The following NATD1 variants were observed in gnomAD, a reference collection of about 807,000 sequenced individuals.
NATD1 encodes N-acetyltransferase domain containing 1.
NATD1 carries 9 observed loss-of-function variants against 12.0 expected under a neutral mutation model. The observed-to-expected ratio is 0.75, with a 90% CI of 0.45 to 1.30. The LOEUF (loss-of-function observed/expected upper bound fraction) is 1.30. Among genes scored for constraint, NATD1 ranks in the 50% most tolerant of loss-of-function variants. The probability of loss-of-function intolerance (pLI) is 0.00; values close to 1 mark genes in which losing one functional copy is unlikely to be tolerated. For synonymous variants in NATD1, 71 were observed against 65.9 expected, an observed-to-expected ratio of 1.08 and a Z score of -0.37; for missense variants, 148 against 148.5, an observed-to-expected ratio of 1.00 and a Z score of 0.02.
At chr17:21,243,904 G>A (rs754982038) in intron 2 of NATD1, among the ~76,000 whole-genome samples, 7 of 152,184 alleles carry the variant, frequency 4.6e-5, no homozygotes, top group Non-Finnish European at 1.0e-4. Flanking sequence ...CACACAGGAG[G>A]TGTGTGAGGA....
At chr17:21,251,095 G>C (rs1190463535) in intron 1 of NATD1, among the ~76,000 whole-genome samples, 1 of 152,076 alleles carries the variant, frequency 6.6e-6, no homozygotes, top group African/African-American at 2.4e-5. Flanking sequence ...CCACTCCCTT[G>C]GGGGCCTCTG....
At chr17:21,253,001 G>A (rs948040541) in intron 1 of NATD1, among the ~76,000 whole-genome samples, 158 bp downstream of exon 1, 10 of 149,988 alleles carry the variant, frequency 6.7e-5, no homozygotes, top group Admixed American at 3.3e-4. Flanking sequence ...CCGGCCGCCC[G>A]GGACCACCCC....
intron 1 of NATD1, among the ~76,000 whole-genome samples, chr17:21,247,246 ATGTT>A (rs1309827953): frequency 6.6e-6 from 1 of 152,198 alleles, no homozygotes; most frequent in Non-Finnish European, 1.5e-5. Context: ...CACCCAAGAA[ATGTT>A]TGTCCAACTA....
At position 21,243,442 on chromosome 17, in the gene NATD1, C is replaced by A. The variant is rs1975297336; in HGVS notation, c.226-13G>T. 3 of 1,606,366 alleles carry A rather than the reference C, an allele frequency of 1.9e-6. No individual in the cohort carries two copies. Among genetic ancestry groups the A allele is most frequent in the Non-Finnish European group, 2.6e-6 (3 of 1,175,990 alleles). On this transcript the variant is annotated splice_polypyrimidine_tract_variant and intron_variant, in intron 2 of 2. Transcript: ENST00000611551. ...AGTCCAGGGCGGCCTGGGAGCCGGGCAGAGAGGAGAGTGGTCAGGGCCTGC... is the reference window on the plus strand; with the variant it reads ...AGTCCAGGGCGGCCTGGGAGCCGGGAAGAGAGGAGAGTGGTCAGGGCCTGC...
intron 1 of NATD1, among the ~76,000 whole-genome samples, chr17:21,250,776 A>G (rs1225002155): frequency 6.6e-6 from 1 of 152,054 alleles, no homozygotes; most frequent in Non-Finnish European, 1.5e-5. Flanking sequence ...GTTTTCCCTC[A>G]CTCAGAACCA....
chr17:21,243,789 C>A (rs1363862952), intron 2 of NATD1, among the ~76,000 whole-genome samples: 1 of 152,174 alleles, frequency 6.6e-6, no homozygotes, highest in Non-Finnish European at 1.5e-5. Flanking sequence ...CTGGCTGTAA[C>A]TCCCTTCATT....
chr17:21,252,344 T>C (rs779952174), intron 1 of NATD1, among the ~76,000 whole-genome samples: 1 of 152,212 alleles, frequency 6.6e-6, no homozygotes, highest in Non-Finnish European at 1.5e-5. Flanking sequence ...AAGGGAGAAC[T>C]TGCCCTTGCT....
At position 21,243,253 on chromosome 17, in the gene NATD1, G is replaced by C; in HGVS notation, c.*60C>G. ...GGACCAGGTTCCTGAGAGCACGTGG[G>C]GCCAGGCAAAGGCCACGTGGAAGAG... On this transcript the variant is annotated 3_prime_UTR_variant, in exon 3 of 3. Transcript: ENST00000611551. 1 of 1,397,066 alleles carries C rather than the reference G, an allele frequency of 7.2e-7. No individual in the cohort carries two copies. The allele number at this position is 1,397,066 out of a possible 1,614,324, so 86.5% of individuals were successfully genotyped here.
intron 1 of NATD1, 120 bp downstream of exon 1, chr17:21,253,039 G>T (rs1975393068): frequency 1.2e-5 from 5 of 403,442 alleles, no homozygotes; most frequent in Non-Finnish European, 1.0e-5. Context: ...CAGCCTTCCC[G>T]GGCGGCGGGC....
rs1975291694 is a variant in NATD1 at position 21,243,093 on chromosome 17, T to C, written c.*220A>G. 2.0e-6 allele frequency: 1 copy of C among 509,844 alleles called. No homozygotes were observed. Among genetic ancestry groups the C allele is most frequent in the Non-Finnish European group, 3.6e-6 (1 of 281,066 alleles). 31.6% of individuals were successfully genotyped at this position (509,844 alleles called of 1,614,324 possible). A position where few individuals can be genotyped will look rare whatever the true frequency, so the allele number is the denominator to read the frequency against. On this transcript the variant is annotated 3_prime_UTR_variant, in exon 3 of 3. Transcript: ENST00000611551. ...CCGCTGGTCTCTGCAGAGTGAGAGG[T>C]GCCGGGACTACCTGGCCTCCTTGCC... is the stretch of plus-strand genomic sequence containing the variant.
At position 21,253,356 on chromosome 17, in the gene NATD1, G is replaced by T; in HGVS notation, c.-92C>A. 2.5e-6 allele frequency: 1 copy of T among 407,158 alleles called. No individual in the cohort carries two copies. Among genetic ancestry groups the T allele is most frequent in the South Asian group, 9.4e-5 (1 of 10,622 alleles). The allele number at this position is 407,158 out of a possible 1,614,324, so 25.2% of individuals were successfully genotyped here. On this transcript the variant is annotated 5_prime_UTR_variant, in exon 1 of 3. Coordinates refer to ENST00000611551, the MANE Select transcript of NATD1 (RefSeq NM_152914.3). Reference sequence around the variant, plus strand: ...GCGGGGCTGGAGCGCGGGCGCAGGCGGCAGGCGGTGGGGTAGTTACGGCCT... The same window carrying T: ...GCGGGGCTGGAGCGCGGGCGCAGGCTGCAGGCGGTGGGGTAGTTACGGCCT...
chr17:21,247,706 TGTGCTAGTCTGAG>T (rs920471411), intron 1 of NATD1, among the ~76,000 whole-genome samples: 1 of 152,170 alleles, frequency 6.6e-6, no homozygotes, highest in African/African-American at 2.4e-5. Flanking sequence ...CCTGCCCCCC[TGTGCTAGTCTGAG>T]GTCTGGAGCT....
chr17:21,239,191 C>G lies in NATD1; in HGVS notation c.*4122G>C, dbSNP rs1483990217. On this transcript the variant is annotated 3_prime_UTR_variant, in exon 3 of 3. Transcript: ENST00000611551. ...CACAGGCAATTCAGCCTTCTCCACA[C>G]TGGCCCGGCACTGGCTAGCTGCTCA... The G allele has an allele frequency of 6.6e-6, 1 of 152,178 alleles. No homozygotes were observed. The highest frequency in any genetic ancestry group is 1.5e-5 in the Non-Finnish European group (1 of 68,070). 9.4% of individuals were successfully genotyped at this position (152,178 alleles called of 1,614,324 possible).
At position 21,239,236 on chromosome 17, in the gene NATD1, AC is replaced by A. The variant is rs61389268; in HGVS notation, c.*4076del. 0.83 allele frequency: 126,130 copies of A among 151,922 alleles called. 52,807 individuals carry two copies. The highest frequency in any genetic ancestry group is 0.94 in the African/African-American group (39,095 of 41,436). The allele number at this position is 151,922 out of a possible 1,614,324, so 9.4% of individuals were successfully genotyped here. On this transcript the variant is annotated 3_prime_UTR_variant, in exon 3 of 3. Transcript: ENST00000611551. Reference sequence around the variant, plus strand: ...TGCTCACCTTATGGCTCGAGGCAGGACCCCCCCGCAGCCTTGCAGCTGAGTG... The same window carrying A: ...TGCTCACCTTATGGCTCGAGGCAGGACCCCCCGCAGCCTTGCAGCTGAGTG...
rs910694169 is a variant in NATD1 at position 21,240,578 on chromosome 17, G to A, written c.*2735C>T. 2 of 152,638 alleles carry A rather than the reference G, an allele frequency of 1.3e-5. No homozygotes were observed. Among genetic ancestry groups the A allele is most frequent in the Non-Finnish European group, 1.5e-5 (1 of 68,082 alleles). The allele number at this position is 152,638 out of a possible 1,614,324, so 9.5% of individuals were successfully genotyped here. A position where few individuals can be genotyped will look rare whatever the true frequency, so the allele number is the denominator to read the frequency against. ...CACACCCTGCCGCCGGCCCTGAGGAGGGAAGGCACGAGTCACTGCCTATTT... is the reference window on the plus strand; with the variant it reads ...CACACCCTGCCGCCGGCCCTGAGGAAGGAAGGCACGAGTCACTGCCTATTT... On this transcript the variant is annotated 3_prime_UTR_variant, in exon 3 of 3. Transcript: ENST00000611551.
intron 1 of NATD1, among the ~76,000 whole-genome samples, chr17:21,251,156 AT>A (rs759002604): frequency 6.6e-6 from 1 of 152,102 alleles, no homozygotes; most frequent in Non-Finnish European, 1.5e-5. Flanking sequence ...GCCCAGCCAC[AT>A]CTGTGGTCAG....
At chr17:21,246,040 C>T (rs113031025) in intron 1 of NATD1, among the ~76,000 whole-genome samples, 7 of 152,168 alleles carry the variant, frequency 4.6e-5, no homozygotes, top group Non-Finnish European at 1.0e-4. Flanking sequence ...GGACTGACTC[C>T]GTCACCAAGG....
At chr17:21,245,403 AG>A (rs1002812606) in intron 1 of NATD1, among the ~76,000 whole-genome samples, 17 of 152,194 alleles carry the variant, frequency 1.1e-4, no homozygotes, top group African/African-American at 3.9e-4. Context: ...TCAAAGCCCC[AG>A]AAAATCTGCC....
chr17:21,249,273 G>C (rs2144366794), intron 1 of NATD1, among the ~76,000 whole-genome samples: 1 of 152,334 alleles, frequency 6.6e-6, no homozygotes, highest in East Asian at 1.9e-4. Context: ...CCAGGCGCCA[G>C]AGCTGTGGCA....
Sources: gnomAD v4.1 joint callset for allele counts (sites outside exome capture counted in the v4.1 genomes callset) on GRCh38, gnomAD v4.1.1 for gene constraint, MANE v1.5 for transcripts, NCBI Gene and HGNC (gene_info 2026-07-23, HGNC 2026-07-21) for gene names.